Variants in ZNF624 observed in about 807,000 individuals in gnomAD.
The protein encoded by ZNF624 is zinc finger protein 624.
ZNF624 carries 43 observed loss-of-function variants against 74.7 expected under a neutral mutation model. The observed-to-expected ratio is 0.58, with a 90% CI of 0.45 to 0.74. The LOEUF is 0.74. Ranked by LOEUF, ZNF624 falls within the 30% of genes least tolerant of loss-of-function variation. The pLI is 0.00. For missense variants in ZNF624, 820 were observed against 1,030.0 expected (o/e 0.80, Z 2.79); for synonymous variants, 331 against 341.3 (o/e 0.97, Z 0.33).
At chr17:16,616,967 G>A (rs1008581264), downstream of ZNF624, 10 of 1,594,160 alleles carry the variant, frequency 6.3e-6, no homozygotes, top group African/African-American at 1.3e-5. Context: ...GGTGGACCAG[G>A]TAGCGGCGAA....
At position 16,622,448 on chromosome 17, in the gene ZNF624, C is replaced by T. The variant is rs1315084837; in HGVS notation, c.2438G>A (p.Cys813Tyr). The change falls in exon 6 of 6, where the codon TGT (cysteine) becomes TAT (tyrosine). Residue 813 changes from cysteine to tyrosine, a missense_variant. Cys to Tyr is a radical substitution (Grantham distance 194). Transcript: ENST00000311331. The stretch of plus-strand genomic sequence containing the variant: ...TGAGTTAGTTCTGAAGGCTTTTCCA[C>T]ATTCTTCACATTTATAGGGCCTCTC... ...TGERPYKCEE[C>Y]GKAFRTNSDF... is the part of the protein sequence containing the mutation. The T allele has an allele frequency of 6.2e-7, 1 of 1,613,956 alleles. No individual in the cohort carries two copies. Among genetic ancestry groups the T allele is most frequent in the Non-Finnish European group, 8.5e-7 (1 of 1,179,958 alleles).
downstream of ZNF624, among the ~76,000 whole-genome samples, chr17:16,616,639 T>C (rs1226434852): frequency 2.0e-5 from 3 of 152,260 alleles, no homozygotes; most frequent in Non-Finnish European, 4.4e-5. Context: ...ATAGTTATCT[T>C]AATTCTACAA....
At chr17:16,650,272 ATC>A (rs763877866) in intron 1 of ZNF624, among the ~76,000 whole-genome samples, 37 of 152,220 alleles carry the variant, frequency 2.4e-4, no homozygotes, top group Non-Finnish European at 4.9e-4. Context: ...ATTTTCAGAG[ATC>A]TGTTTCATGT....
intron 3 of ZNF624, 52 bp from the exon 4 acceptor site, chr17:16,634,808 G>A: frequency 1.3e-6 from 2 of 1,553,896 alleles, no homozygotes; most frequent in African/African-American, 1.4e-5. Flanking sequence ...AGACTTGTTA[G>A]GCAGAATTAT....
chr17:16,652,761 C>T lies in ZNF624; in HGVS notation c.-3+1003G>A, dbSNP rs142153192. On this transcript the variant is annotated intron_variant, in intron 1 of 5. Transcript: ENST00000311331. ...CCAAGCAGACAAGAAGAAGTATCTA[C>T]CTATACATAGGAGTGTGGAATAGGA... is the stretch of plus-strand genomic sequence containing the variant. Among the ~76,000 whole-genome samples the T allele has an allele frequency of 2.6e-5, 4 of 152,320 alleles. No homozygotes were observed. In the East Asian group the frequency reaches 7.7e-4, roughly 29 times the overall value.
rs192323011 is a variant in ZNF624 at position 16,628,219 on chromosome 17, C to A, written c.377-3710G>T. 6.6e-5 allele frequency among the ~76,000 whole-genome samples: 10 copies of A among 152,012 alleles called. No homozygotes were observed. In the East Asian group the frequency reaches 1.9e-3, roughly 29 times the overall value. ...TGGAGGTTGCAGTGAACTGAGATTG[C>A]GCCACTGCACTCCAGCCTGGGTAAA... On this transcript the variant is annotated intron_variant, in intron 5 of 5. Transcript: ENST00000311331.
At chr17:16,633,814 G>T in intron 5 of ZNF624, 48 bp downstream of exon 5, 2 of 1,415,222 alleles carry the variant, frequency 1.4e-6, no homozygotes, top group Non-Finnish European at 2.0e-6. Flanking sequence ...TCCCCCTATA[G>T]TCTGTTACTT....
intron 2 of ZNF624, among the ~76,000 whole-genome samples, chr17:16,647,857 C>T (rs1291868145): frequency 6.6e-6 from 1 of 152,148 alleles, no homozygotes; most frequent in Non-Finnish European, 1.5e-5. Flanking sequence ...TCAGCAACCT[C>T]TCATAACATT....
chr17:16,628,442 CAA>C (rs1909126408), intron 5 of ZNF624, among the ~76,000 whole-genome samples: 1 of 151,974 alleles, frequency 6.6e-6, no homozygotes, highest in South Asian at 2.1e-4. Context: ...AACAATCTCA[CAA>C]AGATTTGTAA....
At chr17:16,646,940 A>G (rs1175608881) in intron 3 of ZNF624, among the ~76,000 whole-genome samples, 2 of 152,234 alleles carry the variant, frequency 1.3e-5, no homozygotes, top group Admixed American at 6.5e-5. Flanking sequence ...GGAAAAATGA[A>G]GTGGATTCAC....
intron 3 of ZNF624, among the ~76,000 whole-genome samples, chr17:16,635,369 C>T (rs538108207): frequency 3.9e-5 from 6 of 152,018 alleles, no homozygotes; most frequent in African/African-American, 1.2e-4. Flanking sequence ...TGTTACCTAT[C>T]GGAGAAAAGA....
At chr17:16,619,583 G>A (rs994691763), downstream of ZNF624, among the ~76,000 whole-genome samples, 2 of 152,186 alleles carry the variant, frequency 1.3e-5, no homozygotes, top group Admixed American at 6.5e-5. Context: ...TCGAAAGGAG[G>A]GGCTCAACAG....
At chr17:16,638,549 C>A (rs2142623082) in intron 3 of ZNF624, among the ~76,000 whole-genome samples, 1 of 152,166 alleles carries the variant, frequency 6.6e-6, no homozygotes, top group Non-Finnish European at 1.5e-5. Context: ...ATGAAGAGTT[C>A]ATGTCCTTTG....
chr17:16,634,821 A>G, intron 3 of ZNF624, 65 bp from the exon 4 acceptor site: 1 of 1,500,838 alleles, frequency 6.7e-7, no homozygotes, highest in Non-Finnish European at 9.0e-7. Flanking sequence ...AGAATTATAC[A>G]TAAAAAACTG....
chr17:16,648,338 GGAT>G (rs1216507095), intron 2 of ZNF624, among the ~76,000 whole-genome samples: 1 of 134,728 alleles, frequency 7.4e-6, no homozygotes, highest in Admixed American at 7.0e-5. Context: ...AAAAAATTAT[GGAT>G]AATAAAACTA....
chr17:16,624,567 T>G, intron 5 of ZNF624, 58 bp from the exon 6 acceptor site: 1 of 1,399,470 alleles, frequency 7.1e-7, no homozygotes, highest in Non-Finnish European at 9.7e-7. Context: ...GCAATCTCAC[T>G]AAACAGAATA....
chr17:16,630,751 A>C (rs1206044116), intron 5 of ZNF624, among the ~76,000 whole-genome samples: 4 of 152,186 alleles, frequency 2.6e-5, no homozygotes, highest in African/African-American at 9.7e-5. Context: ...GAGATACTTC[A>C]TAACGACAAA....
At chr17:16,624,780 G>A (rs1459736960) in intron 5 of ZNF624, 1 of 238,818 alleles carries the variant, frequency 4.2e-6, no homozygotes, top group Non-Finnish European at 7.8e-6. Flanking sequence ...ACTTTGGGAG[G>A]CCAAGGTGAG....
intron 2 of ZNF624, among the ~76,000 whole-genome samples, chr17:16,649,216 T>A (rs1370494540): frequency 1.3e-5 from 2 of 152,136 alleles, no homozygotes; most frequent in Non-Finnish European, 2.9e-5. Context: ...TCTTAATGAG[T>A]AGAAAAGAGA....
Sources: gnomAD v4.1 joint callset for allele counts (sites outside exome capture counted in the v4.1 genomes callset) on GRCh38, gnomAD v4.1.1 for gene constraint, MANE v1.5 for transcripts, NCBI Gene and HGNC (gene_info 2026-07-23, HGNC 2026-07-21) for gene names.